The following ARHGAP32 variants were observed in gnomAD, a reference collection of about 807,000 sequenced individuals.
ARHGAP32 encodes the protein Rho GTPase activating protein 32.
Under a neutral mutation model 186.5 loss-of-function variants are expected in ARHGAP32, and 51 were observed. The ratio of observed to expected loss-of-function variants is 0.27; its 90% CI spans 0.22 to 0.35. The LOEUF is 0.35. Among genes scored for constraint, ARHGAP32 ranks in the 10% least tolerant of loss-of-function variants. The pLI is 1.00. For synonymous variants in ARHGAP32, 950 were observed against 964.3 expected (o/e 0.99, Z 0.27); for missense variants, 2,186 against 2,623.5 (o/e 0.83, Z 3.64).
chr11:129,196,370 G>T (rs545818113), upstream of ARHGAP32, among the ~76,000 whole-genome samples: 2 of 152,256 alleles, frequency 1.3e-5, no homozygotes, highest in African/African-American at 4.8e-5. Context: ...GCTTCTTCTT[G>T]TCATTATTCC....
In ARHGAP32 at chr11:128,969,103, T is replaced by C. The variant is rs781418129; in HGVS notation, c.6110A>G (p.Tyr2037Cys). ...GGAGTGGTAATCTTCCAGGTTATCA[T>C]ACTGGGACACAACAGTCACACTGCT... is the stretch of plus-strand genomic sequence containing the variant. ...RQSSVTVVSQ[Y>C]DNLEDYHSLP... is the part of the protein sequence containing the mutation. Residue 2037 changes from tyrosine to cysteine, a missense_variant, in exon 23 of 23, where the codon TAT becomes TGT. By Grantham distance (194) the Tyr-to-Cys change is radical (BLOSUM62 -2). Around this residue, in one of 5 missense-constraint regions of ARHGAP32, gnomAD observed 1,502 missense variants for 1,570.0 expected, o/e 0.96. Coordinates refer to ENST00000682385, the MANE Select transcript of ARHGAP32 (RefSeq NM_001378024.1). The surrounding 1 kb of genome is among the most constrained non-coding windows in gnomAD (Gnocchi z 4.8). The C allele has an allele frequency of 1.0e-5, 16 of 1,605,536 alleles. No homozygotes were observed. Among genetic ancestry groups the C allele is most frequent in the African/African-American group, 1.3e-5 (1 of 74,808 alleles).
chr11:129,234,484 T>A, intron 1 of ARHGAP32, among the ~76,000 whole-genome samples: 1 of 148,254 alleles, frequency 6.7e-6, no homozygotes, highest in East Asian at 1.9e-4. Flanking sequence ...GACGAGCACA[T>A]GAGTGCTAAG....
At chr11:129,042,897 C>T (rs935066579) in intron 10 of ARHGAP32, among the ~76,000 whole-genome samples, 3 of 152,110 alleles carry the variant, frequency 2.0e-5, no homozygotes, top group South Asian at 2.1e-4. Context: ...GGAAACTGCT[C>T]ATGCCGAGGA....
chr11:129,190,916 CA>C (rs1354186800), intron 1 of ARHGAP32, among the ~76,000 whole-genome samples: 1 of 151,926 alleles, frequency 6.6e-6, no homozygotes, highest in African/African-American at 2.4e-5. Flanking sequence ...AAAGTTCAGA[CA>C]AAAAATAATC....
intron 6 of ARHGAP32, among the ~76,000 whole-genome samples, chr11:129,087,091 A>G (rs185976097): frequency 6.6e-6 from 1 of 152,342 alleles, no homozygotes; most frequent in East Asian, 1.9e-4. Flanking sequence ...AACACTGACA[A>G]CAAATGCTGG....
At chr11:129,034,239 A>C (rs554969819) in intron 11 of ARHGAP32, among the ~76,000 whole-genome samples, 1 of 152,134 alleles carries the variant, frequency 6.6e-6, no homozygotes, top group Non-Finnish European at 1.5e-5. Flanking sequence ...TAATGTCTCC[A>C]TATGCAGGGG....
chr11:129,024,077 C>T (rs1938721412), intron 11 of ARHGAP32: 2 of 985,384 alleles, frequency 2.0e-6, no homozygotes, highest in Non-Finnish European at 1.2e-6. Context: ...CCCCCTGCAG[C>T]AGCAGTTTTC....
At chr11:129,258,815 C>T (rs1945287053) in intron 1 of ARHGAP32, among the ~76,000 whole-genome samples, 1 of 143,262 alleles carries the variant, frequency 7.0e-6, no homozygotes, top group Admixed American at 7.0e-5. Context: ...TTTGATAAAT[C>T]AGTATTTTAA....
intron 1 of ARHGAP32, among the ~76,000 whole-genome samples, chr11:129,241,237 T>A (rs1945013518): frequency 6.6e-6 from 1 of 152,224 alleles, no homozygotes; most frequent in South Asian, 2.1e-4. Flanking sequence ...AGGACATAGA[T>A]ACATGGTAAC....
chr11:129,036,684 CTT>C (rs1205067139), intron 11 of ARHGAP32, among the ~76,000 whole-genome samples: 1 of 152,174 alleles, frequency 6.6e-6, no homozygotes, highest in Non-Finnish European at 1.5e-5. Flanking sequence ...TTCCTGCACT[CTT>C]TTAAACACTT....
At chr11:129,223,519 G>C (rs1308464442) in intron 1 of ARHGAP32, among the ~76,000 whole-genome samples, 1 of 152,160 alleles carries the variant, frequency 6.6e-6, no homozygotes, top group African/African-American at 2.4e-5. Flanking sequence ...TGGGAAAACA[G>C]AAAGTTAGTG....
intron 10 of ARHGAP32, among the ~76,000 whole-genome samples, chr11:129,058,164 T>C (rs1940329263): frequency 6.7e-6 from 1 of 150,126 alleles, no homozygotes; most frequent in African/African-American, 2.5e-5. Context: ...TCATCTGTTA[T>C]GCCCAATAAC....
intron 1 of ARHGAP32, among the ~76,000 whole-genome samples, chr11:129,201,170 G>T (rs1944451316): frequency 6.6e-6 from 1 of 152,072 alleles, no homozygotes; most frequent in African/African-American, 2.4e-5. Flanking sequence ...GATATTAAGT[G>T]GAAATTTCAT....
chr11:129,168,025 A>G (rs758756074), intron 1 of ARHGAP32, among the ~76,000 whole-genome samples: 1 of 152,172 alleles, frequency 6.6e-6, no homozygotes, highest in Non-Finnish European at 1.5e-5. Flanking sequence ...TGGGCATATT[A>G]CTTGTGCCCA....
At chr11:129,043,381 C>CTTTTTTTTT (rs1213682729) in intron 10 of ARHGAP32, among the ~76,000 whole-genome samples, 419 of 103,276 alleles carry the variant, frequency 4.1e-3, no homozygotes, top group Middle Eastern at 5.6e-3. Flanking sequence ...TTCTTTTTTT[C>CTTTTTTTTT]TTTTTTTTTT....
chr11:129,090,803 G>A (rs1379186278), intron 6 of ARHGAP32, among the ~76,000 whole-genome samples: 2 of 152,092 alleles, frequency 1.3e-5, no homozygotes, highest in Non-Finnish European at 2.9e-5. Flanking sequence ...GTGTAGTGGG[G>A]CTCAATATAA....
At chr11:129,226,543 G>A (rs1423829388) in intron 1 of ARHGAP32, among the ~76,000 whole-genome samples, 9 of 152,012 alleles carry the variant, frequency 5.9e-5, no homozygotes, top group Admixed American at 4.6e-4. Context: ...CCTCCATTAT[G>A]GCATTCTTTT....
At chr11:128,989,730 G>A (rs373165164) in intron 12 of ARHGAP32, among the ~76,000 whole-genome samples, 3 of 151,332 alleles carry the variant, frequency 2.0e-5, no homozygotes, top group African/African-American at 7.3e-5. Context: ...CCCCCCGAGA[G>A]GCCCTGGTGT....
At chr11:128,982,660 G>A (rs890642173) in intron 15 of ARHGAP32, among the ~76,000 whole-genome samples, 1 of 152,052 alleles carries the variant, frequency 6.6e-6, no homozygotes, top group Non-Finnish European at 1.5e-5. Context: ...GCTGAGGCAG[G>A]CAGATCACTT....
Sources: gnomAD v4.1 joint callset for allele counts (sites outside exome capture counted in the v4.1 genomes callset) on GRCh38, gnomAD v4.1.1 for gene constraint, gnomAD v4.1.1 regional missense constraint, Gnocchi (gnomAD v3.1) non-coding constraint, MANE v1.5 for transcripts, NCBI Gene and HGNC (gene_info 2026-07-23, HGNC 2026-07-21) for gene names.